The following NDST4 variants were observed in gnomAD, a reference collection of about 807,000 sequenced individuals.
The protein encoded by NDST4 is N-deacetylase and N-sulfotransferase 4, also known as N-heparan sulfate sulfotransferase 4.
A neutral mutation model predicts 100.8 loss-of-function variants in NDST4; 63 were observed. That is an observed-to-expected ratio of 0.62 (90% CI 0.51 to 0.77). The LOEUF is 0.77. Among genes scored for constraint, NDST4 ranks in the 30% least tolerant of loss-of-function variants. The probability of loss-of-function intolerance (pLI) is 0.00; values close to 1 mark genes in which losing one functional copy is unlikely to be tolerated. For synonymous variants in NDST4, 377 were observed against 361.8 expected, an observed-to-expected ratio of 1.04 and a Z score of -0.48; for missense variants, 943 against 1,018.4, an observed-to-expected ratio of 0.93 and a Z score of 1.01.
chr4:114,901,143 T>C (rs1210667670), intron 6 of NDST4, among the ~76,000 whole-genome samples: 2 of 152,002 alleles, frequency 1.3e-5, no homozygotes, highest in African/African-American at 2.4e-5. Flanking sequence ...CGTAGTCCTA[T>C]AGATGTCCAT....
At chr4:114,910,498 T>C (rs1725041913) in intron 6 of NDST4, among the ~76,000 whole-genome samples, 1 of 152,210 alleles carries the variant, frequency 6.6e-6, no homozygotes, top group Non-Finnish European at 1.5e-5. Context: ...ACTTTTTTCC[T>C]TGAAATTACT....
chr4:115,050,459 A>G (rs559448208), intron 2 of NDST4, among the ~76,000 whole-genome samples: 3 of 152,080 alleles, frequency 2.0e-5, no homozygotes, highest in Admixed American at 2.0e-4. Flanking sequence ...TTTAGAATGT[A>G]AGATTGTTGG....
At chr4:115,033,953 A>C (rs1395437819) in intron 2 of NDST4, among the ~76,000 whole-genome samples, 1 of 152,144 alleles carries the variant, frequency 6.6e-6, no homozygotes, top group African/African-American at 2.4e-5. Context: ...GTATTTTGAC[A>C]CTATCAATGT....
chr4:115,043,232 C>A (rs768424821), intron 2 of NDST4, among the ~76,000 whole-genome samples: 27 of 151,906 alleles, frequency 1.8e-4, no homozygotes, highest in Non-Finnish European at 3.2e-4. Context: ...CAATCATGGT[C>A]TTTACTGATA....
chr4:115,009,396 C>T (rs1412426884), intron 2 of NDST4, among the ~76,000 whole-genome samples: 1 of 128,342 alleles, frequency 7.8e-6, no homozygotes, highest in East Asian at 2.5e-4. Context: ...CTACAACTAT[C>T]TGATCCTTGA....
Position 114,845,901 on chromosome 4 carries a change from T to C in NDST4, c.2037A>G (p.Arg679=). 2 of 1,614,138 alleles carry C rather than the reference T, an allele frequency of 1.2e-6. No homozygotes were observed. Among genetic ancestry groups the C allele is most frequent in the Non-Finnish European group, 1.7e-6 (2 of 1,179,994 alleles). Residue 679 remains arginine, a synonymous_variant, in exon 10 of 14, where the codon CGA becomes CGG. Coordinates refer to ENST00000264363, the MANE Select transcript of NDST4 (RefSeq NM_022569.3). ...NYFHSEEAPR[R]AASLVPKAKI... Reference sequence around the variant, plus strand: ...TGGCTTTGGGGACAAGAGATGCGGCTCGTCTTGGAGCTTCTTCCGAATGGA... The same window carrying C: ...TGGCTTTGGGGACAAGAGATGCGGCCCGTCTTGGAGCTTCTTCCGAATGGA...
intron 1 of NDST4, among the ~76,000 whole-genome samples, chr4:115,106,893 G>A (rs1467407862): frequency 6.6e-6 from 1 of 152,138 alleles, no homozygotes; most frequent in African/African-American, 2.4e-5. Flanking sequence ...AGTGGCTCAT[G>A]CCTATGATCC....
intron 2 of NDST4, among the ~76,000 whole-genome samples, chr4:115,016,219 A>G (rs1261973430): frequency 6.6e-6 from 1 of 152,066 alleles, no homozygotes; most frequent in African/African-American, 2.4e-5. Flanking sequence ...AGATTAGTGG[A>G]AAGGCATTTT....
chr4:114,839,953 C>A (rs1723391029), intron 10 of NDST4, among the ~76,000 whole-genome samples: 1 of 152,104 alleles, frequency 6.6e-6, no homozygotes, highest in African/African-American at 2.4e-5. Context: ...CCAGACAAAT[C>A]AACCCTAATG....
At chr4:114,889,844 G>A (rs1334877128) in intron 6 of NDST4, among the ~76,000 whole-genome samples, 1 of 152,092 alleles carries the variant, frequency 6.6e-6, no homozygotes, top group Non-Finnish European at 1.5e-5. Flanking sequence ...GAGCCTCAGA[G>A]ACTCCATCTG....
chr4:114,901,338 T>G (rs571780564), intron 6 of NDST4, among the ~76,000 whole-genome samples: 1 of 152,204 alleles, frequency 6.6e-6, no homozygotes, highest in African/African-American at 2.4e-5. Flanking sequence ...CTAAAAATTG[T>G]TATGTCTTCT....
chr4:115,043,956 T>C (rs764497623), intron 2 of NDST4, among the ~76,000 whole-genome samples: 6 of 152,120 alleles, frequency 3.9e-5, no homozygotes, highest in Non-Finnish European at 5.9e-5. Context: ...TTCATTACCA[T>C]GACCAAATAA....
chr4:114,951,302 A>G (rs1445822648), intron 4 of NDST4, among the ~76,000 whole-genome samples: 1 of 152,066 alleles, frequency 6.6e-6, no homozygotes, highest in Non-Finnish European at 1.5e-5. Context: ...TTTTTTCATT[A>G]TTAAATACTT....
chr4:114,976,584 A>C (rs1324843344), intron 3 of NDST4, among the ~76,000 whole-genome samples: 3 of 151,980 alleles, frequency 2.0e-5, no homozygotes, highest in Non-Finnish European at 4.4e-5. Context: ...GGTGAGACTG[A>C]ACATAAGTAC....
chr4:115,040,437 C>A (rs927222945), intron 2 of NDST4, among the ~76,000 whole-genome samples: 1 of 151,086 alleles, frequency 6.6e-6, no homozygotes, highest in African/African-American at 2.4e-5. Flanking sequence ...GTGTTCATAT[C>A]ATGAGATATG....
chr4:114,981,216 TGGAAGGAAGGAAGGAAGGAAGGAA>T (rs61595600), intron 2 of NDST4, among the ~76,000 whole-genome samples: 47 of 137,042 alleles, frequency 3.4e-4, no homozygotes, highest in Non-Finnish European at 3.5e-4. Flanking sequence ...GAAGAAAGGA[TGGAAGGAAGGAAGGAAGGAAGGAA>T]GGAAGGAAGG....
intron 7 of NDST4, among the ~76,000 whole-genome samples, chr4:114,868,753 T>A (rs1434593723): frequency 1.3e-5 from 2 of 151,780 alleles, no homozygotes; most frequent in Non-Finnish European, 2.9e-5. Context: ...ATGTATCATT[T>A]AAGTACTCTT....
intron 1 of NDST4, among the ~76,000 whole-genome samples, chr4:115,079,497 G>A (rs1729258449): frequency 1.3e-5 from 2 of 151,734 alleles, no homozygotes; most frequent in Non-Finnish European, 2.9e-5. Flanking sequence ...TACTTCATCT[G>A]TCTCTACACT....
intron 2 of NDST4, among the ~76,000 whole-genome samples, chr4:115,022,344 C>A (rs1287399237): frequency 8.4e-6 from 1 of 118,408 alleles, no homozygotes; most frequent in African/African-American, 3.9e-5. Context: ...GTTCCACGTA[C>A]ATATGTGTTC....
Sources: gnomAD v4.1 joint callset for allele counts (sites outside exome capture counted in the v4.1 genomes callset) on GRCh38, gnomAD v4.1.1 for gene constraint, MANE v1.5 for transcripts, NCBI Gene and HGNC (gene_info 2026-07-23, HGNC 2026-07-21) for gene names.